PTPRD: variants seen among roughly 807,000 people sequenced by gnomAD.
PTPRD encodes receptor-type tyrosine-protein phosphatase delta.
A neutral mutation model predicts 214.5 loss-of-function variants in PTPRD; 34 were observed. The observed-to-expected ratio is 0.16, with a 90% confidence interval of 0.12 to 0.21. The LOEUF (loss-of-function observed/expected upper bound fraction) is 0.21. Among genes scored for constraint, PTPRD ranks in the 10% least tolerant of loss-of-function variants. The probability of loss-of-function intolerance (pLI) is 1.00; values close to 1 mark genes in which losing one functional copy is unlikely to be tolerated. For synonymous variants in PTPRD, 1,128 were observed against 845.7 expected, an observed-to-expected ratio of 1.33 and a Z score of -5.79; for missense variants, 2,545 against 2,398.7, an observed-to-expected ratio of 1.06 and a Z score of -1.27.
At chr9:10,567,475 A>T (rs371841445) in intron 2 of PTPRD, among the ~76,000 whole-genome samples, 6 of 152,258 alleles carry the variant, frequency 3.9e-5, no homozygotes, top group African/African-American at 1.4e-4. Flanking sequence ...CAGTTTCCAA[A>T]GAACACCACC....
intron 9 of PTPRD, among the ~76,000 whole-genome samples, chr9:9,300,230 T>G (rs146870512): frequency 3.5e-4 from 53 of 151,434 alleles, no homozygotes; most frequent in Non-Finnish European, 5.9e-4. Context: ...GGGATAAAAT[T>G]CAAGATACTT....
intron 11 of PTPRD, among the ~76,000 whole-genome samples, chr9:8,964,518 A>G (rs1359591582): frequency 1.3e-5 from 2 of 151,926 alleles, no homozygotes; most frequent in Non-Finnish European, 2.9e-5. Context: ...TTTTGGTTTC[A>G]TTGATTCTTT....
rs75366310 is a variant in PTPRD at position 8,522,136 on chromosome 9, A to C, written c.692-590T>G. ...CACACTAACACTGGAACAAACACAG[A>C]AATGTATATACATATTGATTTACAG... On this transcript the variant is annotated intron_variant, in intron 19 of 45. Transcript: ENST00000381196. Among the ~76,000 whole-genome samples, 22 of 152,338 alleles carry C rather than the reference A, an allele frequency of 1.4e-4. No individual in the cohort carries two copies. In the East Asian group the frequency reaches 3.9e-3, roughly 27 times the overall value.
intron 27 of PTPRD, among the ~76,000 whole-genome samples, chr9:8,490,152 T>A (rs989498518): frequency 6.6e-6 from 1 of 151,778 alleles, no homozygotes; most frequent in Non-Finnish European, 1.5e-5. Flanking sequence ...CTCAGGGGAG[T>A]TGGAAGGTCA....
At chr9:8,782,596 CTTTTTT>C (rs35513651) in intron 11 of PTPRD, among the ~76,000 whole-genome samples, 4 of 117,348 alleles carry the variant, frequency 3.4e-5, no homozygotes, top group African/African-American at 9.5e-5. Flanking sequence ...ATACTTAACG[CTTTTTT>C]TTTTTTTTTT....
intron 5 of PTPRD, among the ~76,000 whole-genome samples, chr9:9,859,409 G>A (rs765466861): frequency 3.3e-5 from 5 of 152,100 alleles, no homozygotes; most frequent in African/African-American, 4.8e-5. Flanking sequence ...ATAATGCCTT[G>A]GTCAACCAAT....
intron 7 of PTPRD, among the ~76,000 whole-genome samples, chr9:9,713,852 T>C (rs1010376793): frequency 5.9e-5 from 9 of 152,210 alleles, no homozygotes; most frequent in African/African-American, 2.2e-4. Flanking sequence ...AGTCTTATTT[T>C]ATAGGCTTCC....
intron 2 of PTPRD, among the ~76,000 whole-genome samples, chr9:10,399,046 C>T (rs1231866045): frequency 6.6e-6 from 1 of 151,914 alleles, no homozygotes; most frequent in African/African-American, 2.4e-5. Context: ...GGGTCTCATT[C>T]AGAATATTAT....
intron 3 of PTPRD, among the ~76,000 whole-genome samples, chr9:10,331,052 C>G (rs988065848): frequency 3.3e-5 from 5 of 151,796 alleles, no homozygotes; most frequent in Admixed American, 2.6e-4. Context: ...AATGGTTCAG[C>G]TGACTTACAG....
At chr9:9,583,157 A>G (rs1256574124) in intron 7 of PTPRD, among the ~76,000 whole-genome samples, 4 of 152,058 alleles carry the variant, frequency 2.6e-5, no homozygotes, top group Non-Finnish European at 5.9e-5. Context: ...AAATCTCTAA[A>G]TAAACTTTCA....
At position 9,472,002 on chromosome 9, in the gene PTPRD, A is replaced by G. The variant is rs116093342; in HGVS notation, c.-236-74520T>C. Among the ~76,000 whole-genome samples the G allele has an allele frequency of 8.7e-3, 1,325 of 152,276 alleles. 14 individuals carry two copies. Among genetic ancestry groups the G allele is most frequent in the African/African-American group, 0.03 (1,256 of 41,554 alleles). On this transcript the variant is annotated intron_variant, in intron 8 of 45. Coordinates refer to ENST00000381196, the MANE Select transcript of PTPRD (RefSeq NM_002839.4). ...TACCAGAAAATTCCATTTATAAAAT[A>G]TAGACCATTACCTACTTATGTATCA... is the stretch of plus-strand genomic sequence containing the variant.
At chr9:8,946,897 C>T (rs981463031) in intron 11 of PTPRD, among the ~76,000 whole-genome samples, 1 of 151,224 alleles carries the variant, frequency 6.6e-6, no homozygotes, top group Non-Finnish European at 1.5e-5. Flanking sequence ...TTCTATTGGT[C>T]TCTTTCTTTC....
At chr9:8,372,831 A>G (rs1433621335) in intron 39 of PTPRD, among the ~76,000 whole-genome samples, 1 of 151,976 alleles carries the variant, frequency 6.6e-6, no homozygotes, top group Non-Finnish European at 1.5e-5. Context: ...TTGGAGGACC[A>G]TAATTTCCTT....
intron 31 of PTPRD, among the ~76,000 whole-genome samples, chr9:8,470,563 G>C (rs2096632652): frequency 6.6e-6 from 1 of 152,106 alleles, no homozygotes; most frequent in African/African-American, 2.4e-5. Flanking sequence ...AACTGGTTAA[G>C]ACCATATCGT....
intron 14 of PTPRD, among the ~76,000 whole-genome samples, chr9:8,615,684 T>C (rs1189845936): frequency 1.3e-5 from 2 of 152,092 alleles, no homozygotes; most frequent in Admixed American, 1.3e-4. Context: ...TTTTCCTGTC[T>C]TTATTTAATA....
intron 3 of PTPRD, among the ~76,000 whole-genome samples, chr9:10,189,629 A>G (rs375192409): frequency 6.6e-6 from 1 of 152,286 alleles, no homozygotes; most frequent in East Asian, 1.9e-4. Context: ...CAGCAGGACA[A>G]ACAGGAATCC....
chr9:9,552,130 T>C (rs936801055), intron 8 of PTPRD, among the ~76,000 whole-genome samples: 1 of 152,006 alleles, frequency 6.6e-6, no homozygotes, highest in Admixed American at 6.6e-5. Context: ...AGACAGGTAT[T>C]AGTATCTCAC....
chr9:9,243,411 A>G (rs1033306344), intron 9 of PTPRD, among the ~76,000 whole-genome samples: 11 of 152,130 alleles, frequency 7.2e-5, no homozygotes, highest in African/African-American at 2.7e-4. Flanking sequence ...GGCAAACCGA[A>G]TCCAGCAGCA....
intron 2 of PTPRD, among the ~76,000 whole-genome samples, chr9:10,490,176 A>C (rs1031543473): frequency 1.1e-4 from 16 of 152,162 alleles, no homozygotes; most frequent in Non-Finnish European, 2.2e-4. Context: ...GGATATAGTT[A>C]TTTTTCTCTA....
Sources: gnomAD v4.1 joint callset for allele counts (sites outside exome capture counted in the v4.1 genomes callset) on GRCh38, gnomAD v4.1.1 for gene constraint, MANE v1.5 for transcripts, NCBI Gene and HGNC (gene_info 2026-07-23, HGNC 2026-07-21) for gene names.